Variants in ERBB4 observed in about 807,000 individuals in gnomAD.
ERBB4 encodes receptor tyrosine-protein kinase erbB-4.
In ERBB4, 42 loss-of-function variants were observed where a neutral mutation model predicts 158.0. The ratio of observed to expected loss-of-function variants is 0.27; its 90% CI spans 0.21 to 0.34. ERBB4 has a LOEUF of 0.34. Ranked by LOEUF, ERBB4 falls within the 10% of genes least tolerant of loss-of-function variation. The probability of loss-of-function intolerance (pLI) is 1.00; values close to 1 mark genes in which losing one functional copy is unlikely to be tolerated. For synonymous variants in ERBB4, 583 were observed against 558.7 expected (o/e 1.04, Z -0.61); for missense variants, 1,333 against 1,624.1 (o/e 0.82, Z 3.08).
intron 2 of ERBB4, among the ~76,000 whole-genome samples, chr2:212,123,263 C>G (rs370001521): frequency 6.6e-6 from 1 of 152,140 alleles, no homozygotes; most frequent in Admixed American, 6.5e-5. Flanking sequence ...ATTAGCCGGG[C>G]GTGGCGGCAT....
chr2:212,405,380 G>A lies in ERBB4; in HGVS notation c.82+133069C>T, dbSNP rs764984290. Among the ~76,000 whole-genome samples the A allele has an allele frequency of 5.3e-5, 8 of 152,146 alleles. No homozygotes were observed. In the South Asian group the frequency reaches 1.0e-3, roughly 20 times the overall value. On this transcript the variant is annotated intron_variant, in intron 1 of 27. Coordinates refer to ENST00000342788, the MANE Select transcript of ERBB4 (RefSeq NM_005235.3). ...AGAGAAAAGGGAACACTTATATACC[G>A]TTAGCAGGTGTGTAAACTAGTTCAA...
intron 4 of ERBB4, among the ~76,000 whole-genome samples, chr2:211,765,765 T>C (rs539450031): frequency 3.9e-4 from 60 of 152,244 alleles, no homozygotes; most frequent in Admixed American, 2.4e-3. Flanking sequence ...TCCATCATTG[T>C]ATTGCTTTAA....
intron 20 of ERBB4, among the ~76,000 whole-genome samples, chr2:211,526,954 T>G (rs114050160): frequency 6.6e-6 from 1 of 151,680 alleles, no homozygotes; most frequent in African/African-American, 2.4e-5. Context: ...ATCTAGAAAA[T>G]AGCCTCAGAA....
Position 211,523,526 on chromosome 2 carries a change from G to GT in ERBB4, c.2487+38376dup, listed in dbSNP as rs1263233431. Among the ~76,000 whole-genome samples, 3 of 151,836 alleles carry GT rather than the reference G, an allele frequency of 2.0e-5. No individual in the cohort carries two copies. The East Asian group carries it at 5.9e-4, about 30-fold the overall frequency. On this transcript the variant is annotated intron_variant, in intron 20 of 27. Coordinates refer to ENST00000342788, the MANE Select transcript of ERBB4 (RefSeq NM_005235.3). ...CTTCTGATGTTCGGATGTGTTCGGA[G>GT]TTTCGTCCTTCTGGTGGGTTCGTGG...
At position 212,058,053 on chromosome 2, in the gene ERBB4, G is replaced by A. The variant is rs542276122; in HGVS notation, c.234+66699C>T. On this transcript the variant is annotated intron_variant, in intron 2 of 27. Coordinates refer to ENST00000342788, the MANE Select transcript of ERBB4 (RefSeq NM_005235.3). ...GACTACTAGCAAGGCTCATAAAGGA[G>A]AGAAGAGAGAAGAATCAAATAGACG... Among the ~76,000 whole-genome samples, 18 of 152,212 alleles carry A rather than the reference G, an allele frequency of 1.2e-4. 1 individual carries two copies. In the South Asian group the frequency reaches 3.7e-3, roughly 32 times the overall value.
At chr2:211,522,807 A>G (rs1020773154) in intron 20 of ERBB4, among the ~76,000 whole-genome samples, 3 of 152,110 alleles carry the variant, frequency 2.0e-5, no homozygotes, top group Non-Finnish European at 4.4e-5. Context: ...ACTGCTTTTT[A>G]GATATAATGC....
intron 2 of ERBB4, among the ~76,000 whole-genome samples, chr2:211,957,787 C>G (rs192451990): frequency 5.3e-5 from 8 of 152,208 alleles, no homozygotes; most frequent in Admixed American, 5.2e-4. Flanking sequence ...AAAGGAATAA[C>G]TACACATCAC....
At position 211,380,879 on chromosome 2, in the gene ERBB4, T is replaced by C. The variant is rs2062563401; in HGVS notation, c.*2736A>G. The C allele has an allele frequency of 4.3e-6, 1 of 232,044 alleles. No homozygotes were observed. Among genetic ancestry groups the C allele is most frequent in the Non-Finnish European group, 8.5e-6 (1 of 117,386 alleles). The allele number at this position is 232,044 out of a possible 1,614,324, so 14.4% of individuals were successfully genotyped here. A position where few individuals can be genotyped will look rare whatever the true frequency, so the allele number is the denominator to read the frequency against. On this transcript the variant is annotated 3_prime_UTR_variant, in exon 28 of 28. Transcript: ENST00000342788. ...AAAGTTTGTTTTAACTATTCATTTTTTCCTTCTCCAAAATGAGTGATTCTG... is the reference window on the plus strand; with the variant it reads ...AAAGTTTGTTTTAACTATTCATTTTCTCCTTCTCCAAAATGAGTGATTCTG...
intron 4 of ERBB4, among the ~76,000 whole-genome samples, chr2:211,765,598 A>G (rs2075532010): frequency 6.6e-6 from 1 of 152,172 alleles, no homozygotes; most frequent in South Asian, 2.1e-4. Flanking sequence ...TCTCTTCTGA[A>G]CCAAAGCAGG....
intron 1 of ERBB4, among the ~76,000 whole-genome samples, chr2:212,442,533 CA>C (rs920099235): frequency 2.6e-5 from 4 of 152,092 alleles, no homozygotes; most frequent in Non-Finnish European, 5.9e-5. Context: ...CCAGGAGACC[CA>C]AAAGATCACT....
At chr2:212,186,504 G>A (rs1168401475) in intron 1 of ERBB4, among the ~76,000 whole-genome samples, 2 of 149,560 alleles carry the variant, frequency 1.3e-5, no homozygotes, top group East Asian at 2.0e-4. Context: ...GAGACAACCA[G>A]TAAATCAGGA....
intron 5 of ERBB4, among the ~76,000 whole-genome samples, chr2:211,742,194 T>A (rs2106185928): frequency 6.6e-6 from 1 of 152,346 alleles, no homozygotes; most frequent in South Asian, 2.1e-4. Context: ...AGCTCCCACT[T>A]GCTTTTCTCT....
At chr2:212,407,660 T>C (rs1326880077) in intron 1 of ERBB4, among the ~76,000 whole-genome samples, 1 of 152,104 alleles carries the variant, frequency 6.6e-6, no homozygotes, top group Non-Finnish European at 1.5e-5. Flanking sequence ...TTTACTTGGG[T>C]ATATACATGA....
chr2:211,731,455 A>G (rs575839353), intron 5 of ERBB4, among the ~76,000 whole-genome samples: 1 of 152,218 alleles, frequency 6.6e-6, no homozygotes, highest in South Asian at 2.1e-4. Flanking sequence ...TACTTGGGTT[A>G]AAGTAGAGGT....
chr2:211,830,020 A>G (rs967637933), intron 3 of ERBB4, among the ~76,000 whole-genome samples: 4 of 152,134 alleles, frequency 2.6e-5, no homozygotes, highest in African/African-American at 4.8e-5. Flanking sequence ...AAGGCTCAGC[A>G]AAAGTTTCAC....
chr2:211,768,131 A>G (rs1337940095), intron 4 of ERBB4, among the ~76,000 whole-genome samples: 1 of 152,138 alleles, frequency 6.6e-6, no homozygotes, highest in Non-Finnish European at 1.5e-5. Flanking sequence ...CAAGTCCAAA[A>G]TCCAGCGGGG....
chr2:212,015,185 G>A (rs1405729713), intron 2 of ERBB4, among the ~76,000 whole-genome samples: 1 of 147,202 alleles, frequency 6.8e-6, no homozygotes, highest in African/African-American at 2.5e-5. Context: ...AGAATGGGGT[G>A]AACCCAGCAG....
At chr2:212,432,391 A>G (rs1326778916) in intron 1 of ERBB4, among the ~76,000 whole-genome samples, 2 of 152,132 alleles carry the variant, frequency 1.3e-5, no homozygotes, top group Non-Finnish European at 2.9e-5. Context: ...TACTTGTAAT[A>G]TGATTAAATA....
At chr2:211,387,270 G>A (rs2062706334) in intron 26 of ERBB4, 120 bp from the exon 27 acceptor site, 1 of 893,338 alleles carries the variant, frequency 1.1e-6, no homozygotes, top group South Asian at 1.4e-5. Context: ...AGTATTTACT[G>A]GTTTTTTTTC....
Sources: gnomAD v4.1 joint callset for allele counts (sites outside exome capture counted in the v4.1 genomes callset) on GRCh38, gnomAD v4.1.1 for gene constraint, MANE v1.5 for transcripts, NCBI Gene and HGNC (gene_info 2026-07-23, HGNC 2026-07-21) for gene names.